The following GPC5 variants were observed in gnomAD, a reference collection of about 807,000 sequenced individuals.
GPC5 encodes the protein glypican-5.
Under a neutral mutation model 53.9 loss-of-function variants are expected in GPC5, and 47 were observed. That is an observed-to-expected ratio of 0.87 (90% CI 0.69 to 1.11). The LOEUF (loss-of-function observed/expected upper bound fraction) is 1.11, where lower values mean the gene tolerates loss of function less well. Among genes scored for constraint, GPC5 ranks in the 50% most tolerant of loss-of-function variants. GPC5 has a pLI of 0.00. For synonymous variants in GPC5, 286 were observed against 263.3 expected, an observed-to-expected ratio of 1.09 and a Z score of -0.84; for missense variants, 748 against 713.1, an observed-to-expected ratio of 1.05 and a Z score of -0.56.
At position 92,385,443 on chromosome 13, in the gene GPC5, T is replaced by TAC. The variant is rs1400242092; in HGVS notation, c.1561+240456_1561+240457dup. ...ATACATATATACATATATACATATA[T>TAC]ACATATATACATATATACACATATA... On this transcript the variant is annotated intron_variant, in intron 7 of 7. Transcript: ENST00000377067. 4.0e-3 allele frequency among the ~76,000 whole-genome samples: 445 copies of TAC among 111,724 alleles called. 17 individuals carry two copies. The highest frequency in any genetic ancestry group is 5.4e-3 in the Non-Finnish European group (298 of 55,020). The allele number at this position is 111,724 out of a possible 152,430, so 73.3% of individuals were successfully genotyped here.
At chr13:92,746,681 G>A (rs571833141) in intron 7 of GPC5, among the ~76,000 whole-genome samples, 20 of 152,116 alleles carry the variant, frequency 1.3e-4, no homozygotes, top group South Asian at 1.2e-3. Context: ...CATAGATTTC[G>A]TAGATTTTTA....
chr13:91,963,221 G>A (rs796583010), intron 6 of GPC5, among the ~76,000 whole-genome samples: 2 of 152,126 alleles, frequency 1.3e-5, no homozygotes, highest in African/African-American at 4.8e-5. Context: ...CAATATGAAG[G>A]AATAGGAATC....
At chr13:91,868,604 C>G (rs944255224) in intron 5 of GPC5, among the ~76,000 whole-genome samples, 1 of 151,964 alleles carries the variant, frequency 6.6e-6, no homozygotes, top group Non-Finnish European at 1.5e-5. Context: ...ACTCAGGAGG[C>G]TGACAAGGGA....
At chr13:92,476,299 A>T (rs1489966090) in intron 7 of GPC5, among the ~76,000 whole-genome samples, 1 of 152,210 alleles carries the variant, frequency 6.6e-6, no homozygotes, top group African/African-American at 2.4e-5. Context: ...AAAAATGCTC[A>T]TCATCACTGG....
In GPC5 at chr13:91,988,858, T is replaced by C. The variant is rs182762035; in HGVS notation, c.1401+80801T>C. Among the ~76,000 whole-genome samples the C allele has an allele frequency of 2.0e-5, 3 of 152,144 alleles. No homozygotes were observed. In the East Asian group the frequency reaches 5.8e-4, roughly 29 times the overall value. ...GATTAGCACTTGGTCAAAACCTCAA[T>C]TCTGGAGTGTTTTAGATTTGAAATA... On this transcript the variant is annotated intron_variant, in intron 6 of 7. Transcript: ENST00000377067.
chr13:92,459,796 A>T (rs187742532), intron 7 of GPC5, among the ~76,000 whole-genome samples: 17 of 152,238 alleles, frequency 1.1e-4, no homozygotes, highest in African/African-American at 4.1e-4. Context: ...TAAAAACTAA[A>T]TTTTCACTTT....
chr13:91,755,490 G>A (rs2037270296), intron 4 of GPC5, among the ~76,000 whole-genome samples: 1 of 152,002 alleles, frequency 6.6e-6, no homozygotes, highest in African/African-American at 2.4e-5. Flanking sequence ...AAGGCCTTTA[G>A]GACTTGGCCT....
At chr13:91,572,247 A>ATGTGTATGTGTATG (rs2031949066) in intron 2 of GPC5, among the ~76,000 whole-genome samples, 1 of 125,736 alleles carries the variant, frequency 8.0e-6, no homozygotes, top group African/African-American at 3.2e-5. Context: ...ACATGTGTAT[A>ATGTGTATGTGTATG]TATATACACA....
chr13:92,031,573 G>A (rs906159856), intron 6 of GPC5, among the ~76,000 whole-genome samples: 38 of 145,756 alleles, frequency 2.6e-4, no homozygotes, highest in African/African-American at 9.7e-4. Flanking sequence ...TTTTTATTAT[G>A]GCCATTCTTG....
intron 1 of GPC5, among the ~76,000 whole-genome samples, chr13:91,445,797 T>C (rs1369338131): frequency 6.6e-6 from 1 of 152,198 alleles, no homozygotes; most frequent in Non-Finnish European, 1.5e-5. Flanking sequence ...GATTTTTGGT[T>C]CTGGAATTTC....
chr13:91,661,797 G>C (rs1377554832), intron 2 of GPC5, among the ~76,000 whole-genome samples: 1 of 152,160 alleles, frequency 6.6e-6, no homozygotes, highest in Non-Finnish European at 1.5e-5. Context: ...TGGAATCAGA[G>C]AAAGTGAGAG....
At chr13:91,756,575 C>A in intron 5 of GPC5, 155 bp downstream of exon 5, 1 of 550,304 alleles carries the variant, frequency 1.8e-6, no homozygotes, top group Non-Finnish European at 2.9e-6. Context: ...AGGAAAAGAA[C>A]AACAAAACCT....
At chr13:92,599,121 T>G (rs1883966155) in intron 7 of GPC5, among the ~76,000 whole-genome samples, 1 of 152,198 alleles carries the variant, frequency 6.6e-6, no homozygotes, top group South Asian at 2.1e-4. Flanking sequence ...TGACAATTAT[T>G]TAGTGTAGTT....
At chr13:91,458,590 A>G (rs1338300286) in intron 2 of GPC5, among the ~76,000 whole-genome samples, 1 of 152,176 alleles carries the variant, frequency 6.6e-6, no homozygotes, top group Admixed American at 6.6e-5. Context: ...ATAATTAAAA[A>G]ATAAAAAAAA....
chr13:92,144,847 A>G lies in GPC5; in HGVS notation c.1419A>G (p.Ser473=), dbSNP rs778847156. 9 of 1,611,474 alleles carry G rather than the reference A, an allele frequency of 5.6e-6. No individual in the cohort carries two copies. In the South Asian group the frequency reaches 9.9e-5, roughly 18 times the overall value. The change falls in exon 7 of 8, where the codon TCA becomes TCG. Residue 473 remains serine, a synonymous_variant. Coordinates refer to ENST00000377067, the MANE Select transcript of GPC5 (RefSeq NM_004466.6). ...KHVVQLLQGR[S]PKPDKWELLQ... ...ACAATTAGTTGTTACAGGGTAGATC[A>G]CCCAAACCTGACAAGTGGGAACTTC...
chr13:92,597,654 A>C (rs1040842279), intron 7 of GPC5, among the ~76,000 whole-genome samples: 1 of 152,230 alleles, frequency 6.6e-6, no homozygotes, highest in East Asian at 1.9e-4. Context: ...CAAACTAGAT[A>C]GCATTTTTAG....
intron 2 of GPC5, among the ~76,000 whole-genome samples, chr13:91,525,158 C>T (rs1886025930): frequency 6.6e-6 from 1 of 152,074 alleles, no homozygotes. Flanking sequence ...GTATTTTTCA[C>T]TTGGAAATAG....
chr13:92,256,303 T>C, intron 7 of GPC5, among the ~76,000 whole-genome samples: 1 of 152,042 alleles, frequency 6.6e-6, no homozygotes, highest in Middle Eastern at 3.2e-3. Flanking sequence ...TACAGTGTTC[T>C]CTATGATCTC....
intron 7 of GPC5, among the ~76,000 whole-genome samples, chr13:92,211,580 T>G (rs919542457): frequency 9.2e-5 from 14 of 152,368 alleles, no homozygotes; most frequent in Non-Finnish European, 1.8e-4. Context: ...TTTCCAAGTG[T>G]GTCCAGCAGC....
Sources: allele counts gnomAD v4.1 joint callset (sites outside exome capture counted in the v4.1 genomes callset), GRCh38; gene constraint gnomAD v4.1.1; transcripts MANE v1.5; gene names NCBI Gene and HGNC (gene_info 2026-07-23, HGNC 2026-07-21).